MTMR2: variants seen among roughly 807,000 people sequenced by gnomAD.
MTMR2 encodes myotubularin related protein 2.
In MTMR2, 55 loss-of-function variants were observed where a neutral mutation model predicts 86.9. The ratio of observed to expected loss-of-function variants is 0.63; its 90% CI spans 0.51 to 0.79. MTMR2 has a LOEUF of 0.79. MTMR2 is among the 30% of genes least tolerant of loss of function. MTMR2 has a pLI of 0.00. For synonymous variants in MTMR2, 241 were observed against 266.8 expected (o/e 0.90, Z 0.94); for missense variants, 659 against 772.3 (o/e 0.85, Z 1.74).
chr11:95,854,536 G>T (rs563207537), intron 7 of MTMR2, among the ~76,000 whole-genome samples: 1 of 152,284 alleles, frequency 6.6e-6, no homozygotes, highest in East Asian at 1.9e-4. Flanking sequence ...TACAATCACA[G>T]CTCACTGCAG....
At chr11:95,895,778 T>A (rs1159112760) in intron 1 of MTMR2, among the ~76,000 whole-genome samples, 1 of 151,960 alleles carries the variant, frequency 6.6e-6, no homozygotes, top group East Asian at 1.9e-4. Context: ...AATGAAAATA[T>A]TTTTCCACAC....
intron 10 of MTMR2, among the ~76,000 whole-genome samples, chr11:95,847,225 G>A (rs1238914406): frequency 1.3e-5 from 2 of 152,034 alleles, no homozygotes; most frequent in African/African-American, 4.8e-5. Context: ...ATATTTATTG[G>A]GTACCTATTC....
chr11:95,865,250 G>A (rs904439757), intron 3 of MTMR2, among the ~76,000 whole-genome samples: 8 of 152,010 alleles, frequency 5.3e-5, no homozygotes, highest in African/African-American at 1.9e-4. Context: ...TTTTATCTAG[G>A]CAACTCAATA....
intron 1 of MTMR2, among the ~76,000 whole-genome samples, chr11:95,904,139 A>C (rs1267300224): frequency 1.3e-5 from 2 of 152,106 alleles, no homozygotes; most frequent in Non-Finnish European, 2.9e-5. Context: ...ATCTTAAAAA[A>C]ACAAAAAACA....
At position 95,834,436 on chromosome 11, in the gene MTMR2, A is replaced by T. The variant is rs1361675912; in HGVS notation, c.*854T>A. On this transcript the variant is annotated 3_prime_UTR_variant, in exon 15 of 15. Coordinates refer to ENST00000346299, the MANE Select transcript of MTMR2 (RefSeq NM_016156.6). ...ATTCAGAAAAAATGTCAATCCTAGT[A>T]AGATTTTTAAATACTTCTTAAAAAC... The T allele has an allele frequency of 6.6e-6, 1 of 152,100 alleles. No homozygotes were observed. The highest frequency in any genetic ancestry group is 1.5e-5 in the Non-Finnish European group (1 of 67,972). 9.4% of individuals were successfully genotyped at this position (152,100 alleles called of 1,614,324 possible). A position where few individuals can be genotyped will look rare whatever the true frequency, so the allele number is the denominator to read the frequency against.
At chr11:95,872,391 T>A (rs530558413) in intron 2 of MTMR2, among the ~76,000 whole-genome samples, 3 of 152,296 alleles carry the variant, frequency 2.0e-5, no homozygotes, top group South Asian at 2.1e-4. Context: ...CAACTGTGAA[T>A]GGGAGTTCAT....
intron 13 of MTMR2, among the ~76,000 whole-genome samples, chr11:95,837,463 T>A (rs1205782339): frequency 6.6e-6 from 1 of 152,012 alleles, no homozygotes; most frequent in Non-Finnish European, 1.5e-5. Flanking sequence ...TCAAGATGAT[T>A]AAGATGTTGA....
At chr11:95,837,852 C>T (rs1453904108) in intron 13 of MTMR2, among the ~76,000 whole-genome samples, 1 of 152,024 alleles carries the variant, frequency 6.6e-6, no homozygotes, top group Non-Finnish European at 1.5e-5. Flanking sequence ...TTCTCTTTAG[C>T]AGAAACCACT....
chr11:95,889,344 G>A, intron 1 of MTMR2, among the ~76,000 whole-genome samples: 1 of 151,908 alleles, frequency 6.6e-6, no homozygotes, highest in East Asian at 1.9e-4. Context: ...TGTTGGCCAG[G>A]CTGGTCTTGA....
rs551367 is a variant in MTMR2, at chr11:95,862,425, C to A, written c.263-59G>T. On this transcript the variant is annotated intron_variant, in intron 3 of 14. Transcript: ENST00000346299. ...ATTATGTGCTATTAAAACCTGCTAT[C>A]TCATCTTATAAAATTGTTATGATTC... The A allele has an allele frequency of 0.011, 13,841 of 1,257,086 alleles. 1,094 individuals carry two copies. The African/African-American group carries it at 0.17, about 16-fold the overall frequency. The allele number at this position is 1,257,086 out of a possible 1,614,324, so 77.9% of individuals were successfully genotyped here. A position where few individuals can be genotyped will look rare whatever the true frequency, so the allele number is the denominator to read the frequency against.
chr11:95,909,945 T>G (rs1005298116), intron 1 of MTMR2, among the ~76,000 whole-genome samples: 2 of 152,086 alleles, frequency 1.3e-5, no homozygotes, highest in African/African-American at 4.8e-5. Flanking sequence ...CACTAGGCCC[T>G]AAAAGTACTT....
intron 8 of MTMR2, among the ~76,000 whole-genome samples, chr11:95,850,119 T>C (rs1863960719): frequency 6.6e-6 from 1 of 152,100 alleles, no homozygotes; most frequent in Admixed American, 6.6e-5. Flanking sequence ...CTGAAAAAAA[T>C]ACTGTGAAAC....
intron 2 of MTMR2, among the ~76,000 whole-genome samples, chr11:95,870,035 T>G (rs975545887): frequency 1.3e-5 from 2 of 152,200 alleles, no homozygotes; most frequent in African/African-American, 2.4e-5. Flanking sequence ...TGTATTTCAA[T>G]AGATATAAAT....
At chr11:95,900,851 A>C (rs187194176) in intron 1 of MTMR2, among the ~76,000 whole-genome samples, 80 of 152,302 alleles carry the variant, frequency 5.3e-4, no homozygotes, top group Non-Finnish European at 9.6e-4. Context: ...TCTACCTTCA[A>C]CTACTCTACT....
At chr11:95,859,338 A>G (rs1253993743) in intron 5 of MTMR2, among the ~76,000 whole-genome samples, 1 of 152,244 alleles carries the variant, frequency 6.6e-6, no homozygotes, top group Non-Finnish European at 1.5e-5. Context: ...GCAGTTTTCT[A>G]TGCTCAGACT....
intron 5 of MTMR2, 58 bp from the exon 6 acceptor site, chr11:95,858,690 A>G (rs1864300466): frequency 1.8e-6 from 2 of 1,114,272 alleles, no homozygotes; most frequent in Non-Finnish European, 2.7e-6. Context: ...AAATGAATAA[A>G]TAAGGTTACT....
intron 7 of MTMR2, among the ~76,000 whole-genome samples, chr11:95,851,834 C>G (rs1193543130): frequency 6.6e-6 from 1 of 152,106 alleles, no homozygotes; most frequent in Non-Finnish European, 1.5e-5. Flanking sequence ...GGGAGGAATG[C>G]AAGGCAAAAT....
At chr11:95,845,556 C>A (rs1863750526) in intron 10 of MTMR2, among the ~76,000 whole-genome samples, 2 of 151,872 alleles carry the variant, frequency 1.3e-5, no homozygotes, top group Admixed American at 1.3e-4. Context: ...ATGCTTAAAC[C>A]AAATTGGGAT....
intron 1 of MTMR2, among the ~76,000 whole-genome samples, chr11:95,905,521 G>A (rs1213279753): frequency 6.6e-6 from 1 of 152,006 alleles, no homozygotes; most frequent in Non-Finnish European, 1.5e-5. Flanking sequence ...AATATGTACG[G>A]GGCTAAGAAA....
Sources: allele counts gnomAD v4.1 joint callset (sites outside exome capture counted in the v4.1 genomes callset), GRCh38; gene constraint gnomAD v4.1.1; transcripts MANE v1.5; gene names NCBI Gene and HGNC (gene_info 2026-07-23, HGNC 2026-07-21).